The following OPCML variants were observed in gnomAD, a reference collection of about 807,000 sequenced individuals.
OPCML encodes the protein opioid binding protein/cell adhesion molecule like.
In OPCML, 13 loss-of-function variants were observed where a neutral mutation model predicts 37.8. That is an observed-to-expected ratio of 0.34 (90% CI 0.22 to 0.55). The LOEUF is 0.55. OPCML is among the 20% of genes least tolerant of loss of function. The pLI is 0.91. For missense variants in OPCML, 341 were observed against 435.6 expected, an observed-to-expected ratio of 0.78 and a Z score of 1.93; for synonymous variants, 176 against 168.8, an observed-to-expected ratio of 1.04 and a Z score of -0.33.
intron 1 of OPCML, among the ~76,000 whole-genome samples, chr11:133,472,416 G>A (rs768866447): frequency 2.6e-4 from 40 of 152,220 alleles, no homozygotes; most frequent in Non-Finnish European, 4.1e-4. Flanking sequence ...AGGGAGCAGC[G>A]TTTCAGAGCA....
intron 3 of OPCML, among the ~76,000 whole-genome samples, chr11:132,592,784 AC>A (rs1162384119): frequency 6.6e-6 from 1 of 152,238 alleles, no homozygotes; most frequent in African/African-American, 2.4e-5. Context: ...CACCAAAATC[AC>A]AAATGATTGA....
chr11:133,355,679 T>C (rs115575407), intron 1 of OPCML, among the ~76,000 whole-genome samples: 1,628 of 152,322 alleles, frequency 0.011, 30 homozygotes, highest in African/African-American at 0.037. Context: ...CAGTCATCGC[T>C]TCAGCTCTAG....
intron 2 of OPCML, among the ~76,000 whole-genome samples, chr11:132,706,221 T>A (rs1355007502): frequency 6.6e-6 from 1 of 152,144 alleles, no homozygotes; most frequent in Admixed American, 6.5e-5. Context: ...AGACTCCAAG[T>A]GCTTGTGTTT....
intron 1 of OPCML, among the ~76,000 whole-genome samples, chr11:132,957,355 C>T (rs963214515): frequency 6.6e-6 from 1 of 152,036 alleles, no homozygotes; most frequent in Non-Finnish European, 1.5e-5. Flanking sequence ...GGGGCAGGGG[C>T]ATAACACGGG....
intron 4 of OPCML, among the ~76,000 whole-genome samples, chr11:132,469,524 G>A (rs1254592271): frequency 2.0e-5 from 3 of 149,126 alleles, no homozygotes; most frequent in East Asian, 4.0e-4. Context: ...TGTGTGGGGT[G>A]TGTGTGTATG....
At chr11:132,976,896 A>T (rs1946475964) in intron 1 of OPCML, among the ~76,000 whole-genome samples, 1 of 152,200 alleles carries the variant, frequency 6.6e-6, no homozygotes, top group Non-Finnish European at 1.5e-5. Context: ...GAGATTAGAG[A>T]AGGGGCAGAA....
intron 1 of OPCML, among the ~76,000 whole-genome samples, chr11:133,267,674 G>T (rs1941702017): frequency 6.6e-6 from 1 of 152,080 alleles, no homozygotes; most frequent in Non-Finnish European, 1.5e-5. Context: ...ATCTCATCTG[G>T]AATTGTAGCT....
intron 4 of OPCML, among the ~76,000 whole-genome samples, chr11:132,494,462 A>C (rs368761092): frequency 1.5e-4 from 23 of 152,254 alleles, no homozygotes; most frequent in East Asian, 1.4e-3. Flanking sequence ...GGGAAGAAAA[A>C]CAGGGATTTC....
intron 1 of OPCML, among the ~76,000 whole-genome samples, chr11:133,247,614 T>TC (rs1278314981): frequency 9.2e-6 from 1 of 109,178 alleles, no homozygotes; most frequent in African/African-American, 3.3e-5. Flanking sequence ...TTTCTTTCTT[T>TC]TTTTTTTGAG....
At chr11:132,495,835 C>T (rs866278169) in intron 4 of OPCML, among the ~76,000 whole-genome samples, 11 of 150,222 alleles carry the variant, frequency 7.3e-5, no homozygotes, top group South Asian at 4.2e-4. Flanking sequence ...GCAGAGCTTG[C>T]GCTGAGCCAA....
intron 1 of OPCML, chr11:133,025,219 A>G: frequency 1.4e-6 from 1 of 694,996 alleles, no homozygotes; most frequent in South Asian, 6.4e-5. Flanking sequence ...GTTCATAGAA[A>G]TGTAAATTAT....
At chr11:132,741,884 C>G (rs1945444161) in intron 2 of OPCML, among the ~76,000 whole-genome samples, 1 of 151,864 alleles carries the variant, frequency 6.6e-6, no homozygotes, top group Non-Finnish European at 1.5e-5. Flanking sequence ...ACAAAATTAG[C>G]TGGGCATGGT....
intron 1 of OPCML, among the ~76,000 whole-genome samples, chr11:133,521,629 C>A (rs1245593768): frequency 6.6e-6 from 1 of 152,206 alleles, no homozygotes; most frequent in Non-Finnish European, 1.5e-5. Flanking sequence ...AAAGAGGCAT[C>A]CATCCCAGTG....
At chr11:133,095,145 G>A (rs1231984533) in intron 1 of OPCML, among the ~76,000 whole-genome samples, 3 of 151,900 alleles carry the variant, frequency 2.0e-5, no homozygotes, top group Admixed American at 6.6e-5. Flanking sequence ...GTGCCAGACA[G>A]TATCTCATTG....
At chr11:132,432,528 A>G (rs1304104885) in intron 7 of OPCML, among the ~76,000 whole-genome samples, 1 of 152,232 alleles carries the variant, frequency 6.6e-6, no homozygotes, top group Non-Finnish European at 1.5e-5. Flanking sequence ...CCATTCAGCC[A>G]GCGAGCAGCA....
In OPCML at chr11:133,336,326, C is replaced by T. The variant is rs184077677; in HGVS notation, c.61+195938G>A. On this transcript the variant is annotated intron_variant, in intron 1 of 7. Transcript: ENST00000524381. Reference sequence around the variant, plus strand: ...ACAGGTTTTAGGAAAACACTTTAGCCTCTTTGGGTCTCACAGAATTATAGA... The same window carrying T: ...ACAGGTTTTAGGAAAACACTTTAGCTTCTTTGGGTCTCACAGAATTATAGA... 4.0e-5 allele frequency among the ~76,000 whole-genome samples: 6 copies of T among 151,864 alleles called. No individual in the cohort carries two copies. In the East Asian group the frequency reaches 1.2e-3, roughly 29 times the overall value.
intron 1 of OPCML, among the ~76,000 whole-genome samples, chr11:133,353,430 G>C (rs189228803): frequency 1.1e-4 from 17 of 152,168 alleles, no homozygotes; most frequent in Non-Finnish European, 2.4e-4. Context: ...AATGTGCTTG[G>C]ATTACAGGCA....
chr11:132,584,520 T>C (rs993361072), intron 3 of OPCML, among the ~76,000 whole-genome samples: 2 of 152,188 alleles, frequency 1.3e-5, no homozygotes, highest in African/African-American at 4.8e-5. Flanking sequence ...ATGATTTTAA[T>C]TTCATAAAGG....
intron 7 of OPCML, among the ~76,000 whole-genome samples, chr11:132,434,110 A>G (rs1260542706): frequency 6.6e-6 from 1 of 152,186 alleles, no homozygotes; most frequent in Non-Finnish European, 1.5e-5. Flanking sequence ...CCCACCAACC[A>G]TGGGGATAAT....
Sources: gnomAD v4.1 joint callset for allele counts (sites outside exome capture counted in the v4.1 genomes callset) on GRCh38, gnomAD v4.1.1 for gene constraint, MANE v1.5 for transcripts, NCBI Gene and HGNC (gene_info 2026-07-23, HGNC 2026-07-21) for gene names.